EFNA5: variants seen among roughly 807,000 people sequenced by gnomAD.
EFNA5 encodes the protein ephrin-A5.
A neutral mutation model predicts 22.9 loss-of-function variants in EFNA5; 5 were observed. The ratio of observed to expected loss-of-function variants is 0.22; its 90% CI spans 0.11 to 0.46. EFNA5 has a LOEUF of 0.46. Among genes scored for constraint, EFNA5 ranks in the 20% least tolerant of loss-of-function variants. EFNA5 has a pLI of 0.99. For missense variants in EFNA5, 237 were observed against 293.3 expected (o/e 0.81, Z 1.40); for synonymous variants, 113 against 112.2 (o/e 1.01, Z -0.04).
chr5:107,570,209 T>C lies in EFNA5; in HGVS notation c.125+100280A>G, dbSNP rs116560381. Reference sequence around the variant, plus strand: ...ACCCTGGTACCTTAAAGTCCGTAATTACATAGAGAACCATGCCCTGAACTG... The same window carrying C: ...ACCCTGGTACCTTAAAGTCCGTAATCACATAGAGAACCATGCCCTGAACTG... On this transcript the variant is annotated intron_variant, in intron 1 of 4. Transcript: ENST00000333274. Among the ~76,000 whole-genome samples, 527 of 152,302 alleles carry C rather than the reference T, an allele frequency of 3.5e-3. 5 individuals are homozygous for C. Among genetic ancestry groups the C allele is most frequent in the Non-Finnish European group, 5.4e-3 (366 of 68,012 alleles).
At chr5:107,557,226 A>G (rs1247337233) in intron 1 of EFNA5, among the ~76,000 whole-genome samples, 1 of 152,100 alleles carries the variant, frequency 6.6e-6, no homozygotes, top group East Asian at 1.9e-4. Context: ...AATGCCTGGT[A>G]CGTGGGAGGT....
intron 4 of EFNA5, among the ~76,000 whole-genome samples, chr5:107,384,988 G>A (rs775490191): frequency 4.0e-5 from 6 of 151,778 alleles, no homozygotes; most frequent in Non-Finnish European, 5.9e-5. Context: ...CTTTGTTAGT[G>A]AAGATACTCA....
In EFNA5 at chr5:107,536,835, AGTGGGT is replaced by A. The variant is rs1190965920; in HGVS notation, c.126-109332_126-109327del. 3.3e-5 allele frequency among the ~76,000 whole-genome samples: 5 copies of A among 152,316 alleles called. No individual in the cohort carries two copies. The East Asian group carries it at 9.7e-4, about 29-fold the overall frequency. ...AGAAGTAGATTTTTCGGCCGGGTGC[AGTGGGT>A]CAGGCCTGTAATCCCAGCACTTTGG... On this transcript the variant is annotated intron_variant, in intron 1 of 4. Transcript: ENST00000333274.
At chr5:107,451,322 A>G (rs1411812454) in intron 1 of EFNA5, among the ~76,000 whole-genome samples, 2 of 152,234 alleles carry the variant, frequency 1.3e-5, no homozygotes, top group African/African-American at 4.8e-5. Flanking sequence ...GTTGGTTTGT[A>G]TTAGCTGTCT....
In EFNA5 at chr5:107,634,593, C is replaced by T. The variant is rs1750333433; in HGVS notation, c.125+35896G>A. Among the ~76,000 whole-genome samples the T allele has an allele frequency of 1.4e-5, 2 of 146,064 alleles. 1 individual carries two copies. The highest frequency in any genetic ancestry group is 3.1e-5 in the Non-Finnish European group (2 of 65,074). On this transcript the variant is annotated intron_variant, in intron 1 of 4. Transcript: ENST00000333274. ...TCCAGGAAAACAGGTACCCTCCTAC[C>T]AACGCCCTGGGGAGTTCAAAACTCA...
intron 1 of EFNA5, among the ~76,000 whole-genome samples, chr5:107,660,285 T>TATATAA (rs1750922224): frequency 2.0e-5 from 2 of 98,362 alleles, no homozygotes; most frequent in Non-Finnish European, 4.2e-5. Context: ...TATATATATA[T>TATATAA]ATATATATAT....
In EFNA5 at chr5:107,461,554, G is replaced by T. The variant is rs145894914; in HGVS notation, c.126-34045C>A. Among the ~76,000 whole-genome samples the T allele has an allele frequency of 1.5e-3, 222 of 152,168 alleles. 1 individual carries two copies. The highest frequency in any genetic ancestry group is 3.9e-3 in the African/African-American group (160 of 41,524). On this transcript the variant is annotated intron_variant, in intron 1 of 4. Coordinates refer to ENST00000333274, the MANE Select transcript of EFNA5 (RefSeq NM_001962.3). The stretch of plus-strand genomic sequence containing the variant: ...AGAGAGGACGGGGGAGAAAGACTGT[G>T]ATCTAAGCAAGAGAGAAAAGGGGAA...
At chr5:107,451,286 A>G (rs1011959864) in intron 1 of EFNA5, among the ~76,000 whole-genome samples, 3 of 152,220 alleles carry the variant, frequency 2.0e-5, no homozygotes, top group African/African-American at 7.2e-5. Context: ...TTAATTGCCC[A>G]TAGAGCAACT....
At chr5:107,658,246 T>A (rs1360693463) in intron 1 of EFNA5, among the ~76,000 whole-genome samples, 1 of 152,200 alleles carries the variant, frequency 6.6e-6, no homozygotes, top group Admixed American at 6.5e-5. Context: ...GTGTTAAAAA[T>A]CTGTTTCTGC....
intron 2 of EFNA5, among the ~76,000 whole-genome samples, chr5:107,389,056 G>A (rs1028444331): frequency 6.6e-6 from 1 of 152,062 alleles, no homozygotes; most frequent in African/African-American, 2.4e-5. Flanking sequence ...GTAGTATAGG[G>A]TCCCCAGTGT....
chr5:107,599,561 C>T (rs1048753913), intron 1 of EFNA5, among the ~76,000 whole-genome samples: 1 of 152,096 alleles, frequency 6.6e-6, no homozygotes, highest in Non-Finnish European at 1.5e-5. Context: ...CTGTTTGAAC[C>T]TTCTGAATGT....
intron 1 of EFNA5, among the ~76,000 whole-genome samples, chr5:107,472,215 T>A (rs1750160236): frequency 6.6e-6 from 1 of 152,206 alleles, no homozygotes; most frequent in East Asian, 1.9e-4. Context: ...TAATTAGACA[T>A]CTAGCAGATC....
chr5:107,573,165 T>G (rs1748853873), intron 1 of EFNA5, among the ~76,000 whole-genome samples: 1 of 152,140 alleles, frequency 6.6e-6, no homozygotes, highest in Non-Finnish European at 1.5e-5. Flanking sequence ...TGAACTTGGC[T>G]TCTCCCTGGG....
At chr5:107,422,175 T>A (rs571868649) in intron 2 of EFNA5, among the ~76,000 whole-genome samples, 18 of 152,364 alleles carry the variant, frequency 1.2e-4, no homozygotes, top group African/African-American at 3.4e-4. Context: ...GTTACCTAAC[T>A]TTTCTGGGCC....
chr5:107,631,256 A>AAC (rs10616989), intron 1 of EFNA5, among the ~76,000 whole-genome samples: 6,725 of 145,646 alleles, frequency 0.046, 163 homozygotes, highest in Admixed American at 0.074. Flanking sequence ...CCTGACTACA[A>AAC]ACACACACAC....
intron 1 of EFNA5, among the ~76,000 whole-genome samples, chr5:107,591,942 ATT>A (rs1444694205): frequency 1.1e-3 from 14 of 13,028 alleles, no homozygotes; most frequent in African/African-American, 2.3e-3. Flanking sequence ...TAATATATAT[ATT>A]ATATATAATA....
In EFNA5 at chr5:107,523,780, C is replaced by A. The variant is rs114975980; in HGVS notation, c.126-96271G>T. Among the ~76,000 whole-genome samples the A allele has an allele frequency of 4.4e-4, 67 of 152,132 alleles. 1 individual carries two copies. The highest frequency in any genetic ancestry group is 8.5e-4 in the Admixed American group (13 of 15,274). On this transcript the variant is annotated intron_variant, in intron 1 of 4. Coordinates refer to ENST00000333274, the MANE Select transcript of EFNA5 (RefSeq NM_001962.3). Reference sequence around the variant, plus strand: ...TCAGACTTTCCTTCTTCTCTTTATGCAGGTGAGCAATGCATGGGTGCTTTT... The same window carrying A: ...TCAGACTTTCCTTCTTCTCTTTATGAAGGTGAGCAATGCATGGGTGCTTTT...
At chr5:107,447,721 T>C (rs1478664297) in intron 1 of EFNA5, among the ~76,000 whole-genome samples, 3 of 152,120 alleles carry the variant, frequency 2.0e-5, no homozygotes, top group Non-Finnish European at 4.4e-5. Flanking sequence ...AGGCAAAATG[T>C]ACAGACCCAA....
chr5:107,395,228 G>A lies in EFNA5; in HGVS notation c.419-7457C>T, dbSNP rs182873047. On this transcript the variant is annotated intron_variant, in intron 2 of 4. Transcript: ENST00000333274. The stretch of plus-strand genomic sequence containing the variant: ...TAATTTTTGTACTTTTAGTAGAAAC[G>A]GGGTTTCACCATGTTGGCCAGGCTG... 4.7e-3 allele frequency among the ~76,000 whole-genome samples: 712 copies of A among 151,688 alleles called. 4 individuals are homozygous for A. The highest frequency in any genetic ancestry group is 6.9e-3 in the Non-Finnish European group (469 of 67,908).
Sources: gnomAD v4.1 joint callset for allele counts (sites outside exome capture counted in the v4.1 genomes callset) on GRCh38, gnomAD v4.1.1 for gene constraint, MANE v1.5 for transcripts, NCBI Gene and HGNC (gene_info 2026-07-23, HGNC 2026-07-21) for gene names.